The following ANO6 variants were observed in gnomAD, a reference collection of about 807,000 sequenced individuals.
The protein encoded by ANO6 is anoctamin 6.
In ANO6, 106 loss-of-function variants were observed where a neutral mutation model predicts 117.5. The observed-to-expected ratio is 0.90, with a 90% CI of 0.77 to 1.06. ANO6 has a LOEUF of 1.06. ANO6 is among the 50% of genes least tolerant of loss of function. The probability of loss-of-function intolerance (pLI) is 0.00; values close to 1 mark genes in which losing one functional copy is unlikely to be tolerated. For synonymous variants in ANO6, 367 were observed against 385.1 expected (o/e 0.95, Z 0.55); for missense variants, 955 against 1,121.1 (o/e 0.85, Z 2.12).
intron 1 of ANO6, among the ~76,000 whole-genome samples, chr12:45,260,599 T>C (rs892466051): frequency 1.3e-5 from 2 of 152,142 alleles, no homozygotes; most frequent in African/African-American, 4.8e-5. Context: ...TTTTCAGAGC[T>C]CTCTGGGATG....
At chr12:45,260,145 G>A (rs1294435581) in intron 1 of ANO6, among the ~76,000 whole-genome samples, 1 of 152,182 alleles carries the variant, frequency 6.6e-6, no homozygotes, top group Non-Finnish European at 1.5e-5. Context: ...CTTAGCGCTG[G>A]GCTCAGTACA....
Position 45,439,740 on chromosome 12 carries a change from C to T in ANO6, c.2592C>T (p.Leu864=), listed in dbSNP as rs750161267. 14 of 1,547,506 alleles carry T rather than the reference C, an allele frequency of 9.0e-6. No individual in the cohort carries two copies. The South Asian group carries it at 1.5e-4, about 16-fold the overall frequency. Residue 864 remains leucine (L), a synonymous_variant, in exon 20 of 20, where the codon CTC becomes CTT. Coordinates refer to the ANO6 transcript ENST00000425752. ...TCTTGGCTCACTGCAACCTCCGCCT[C>T]CCAGTTGACTGCTGTATGTGTTATA...
chr12:45,408,531 A>T (rs1943003016), intron 15 of ANO6, among the ~76,000 whole-genome samples: 1 of 152,216 alleles, frequency 6.6e-6, no homozygotes, highest in Non-Finnish European at 1.5e-5. Flanking sequence ...GGGTGGACAG[A>T]GCGCTGGGAC....
At chr12:45,380,703 G>C (rs1467868689) in intron 10 of ANO6, among the ~76,000 whole-genome samples, 4 of 152,206 alleles carry the variant, frequency 2.6e-5, no homozygotes, top group Non-Finnish European at 4.4e-5. Flanking sequence ...GCTGGGTGTG[G>C]TGGCTCACGC....
At chr12:45,216,898 A>G (rs1262369082) in intron 1 of ANO6, among the ~76,000 whole-genome samples, 1 of 151,912 alleles carries the variant, frequency 6.6e-6, no homozygotes, top group Non-Finnish European at 1.5e-5. Flanking sequence ...CGGCCCCGGG[A>G]AGTGATTTGT....
chr12:45,439,981 A>T (rs755796396), exon 20 of ANO6: 9 of 1,446,256 alleles, frequency 6.2e-6, no homozygotes, highest in African/African-American at 1.4e-5. Flanking sequence ...TGTGTCTATT[A>T]TGTGGCCAGC....
chr12:45,274,746 C>T (rs1592904477), intron 1 of ANO6, among the ~76,000 whole-genome samples: 1 of 151,050 alleles, frequency 6.6e-6, no homozygotes, highest in East Asian at 1.9e-4. Context: ...CTTAACTGTG[C>T]TCTAGCCACA....
At chr12:45,292,557 A>G (rs553046165) in intron 1 of ANO6, 22 of 746,980 alleles carry the variant, frequency 2.9e-5, no homozygotes, top group South Asian at 1.1e-4. Flanking sequence ...TGCAGTGTAC[A>G]TTGAGTTTTT....
chr12:45,345,316 T>G (rs1941099588), intron 3 of ANO6, among the ~76,000 whole-genome samples: 2 of 152,250 alleles, frequency 1.3e-5, no homozygotes, highest in Admixed American at 6.5e-5. Context: ...TTGGTCTTTT[T>G]CCTGCAGCTT....
At chr12:45,427,830 T>G (rs1216087306) in intron 19 of ANO6, among the ~76,000 whole-genome samples, 1 of 147,732 alleles carries the variant, frequency 6.8e-6, no homozygotes, top group Non-Finnish European at 1.5e-5. Flanking sequence ...ATCCAGCTAC[T>G]CAGGTGGCTG....
At chr12:45,219,951 G>A (rs940645274) in intron 1 of ANO6, among the ~76,000 whole-genome samples, 1 of 152,100 alleles carries the variant, frequency 6.6e-6, no homozygotes, top group African/African-American at 2.4e-5. Flanking sequence ...CAAGCCCCTG[G>A]GAGTTAGGTT....
intron 9 of ANO6, among the ~76,000 whole-genome samples, chr12:45,371,033 C>G (rs1941815390): frequency 6.6e-6 from 1 of 152,214 alleles, no homozygotes; most frequent in African/African-American, 2.4e-5. Flanking sequence ...CAGGGTGAGG[C>G]ATTGCCTCAC....
intron 11 of ANO6, among the ~76,000 whole-genome samples, chr12:45,389,304 C>T (rs907128092): frequency 6.6e-6 from 1 of 152,148 alleles, no homozygotes; most frequent in African/African-American, 2.4e-5. Flanking sequence ...TGAATAGTTC[C>T]TGCTGTTTAC....
intron 17 of ANO6, 45 bp from the exon 18 acceptor site, chr12:45,421,025 CA>C (rs754906422): frequency 1.2e-6 from 2 of 1,604,578 alleles, no homozygotes; most frequent in African/African-American, 2.7e-5. Flanking sequence ...GTCTCAAAAA[CA>C]AAAAACTATA....
intron 2 of ANO6, among the ~76,000 whole-genome samples, chr12:45,305,932 G>A (rs1372572610): frequency 6.6e-6 from 1 of 152,070 alleles, no homozygotes; most frequent in Non-Finnish European, 1.5e-5. Context: ...TGGAGGTGCA[G>A]GGGGAGCAGT....
intron 1 of ANO6, among the ~76,000 whole-genome samples, chr12:45,286,088 T>C (rs1938905328): frequency 6.6e-6 from 1 of 152,228 alleles, no homozygotes; most frequent in African/African-American, 2.4e-5. Flanking sequence ...AAAAGGCTTC[T>C]ACTGATAGAG....
intron 1 of ANO6, among the ~76,000 whole-genome samples, chr12:45,284,486 A>G (rs1418896544): frequency 6.6e-6 from 1 of 152,180 alleles, no homozygotes; most frequent in African/African-American, 2.4e-5. Context: ...AAGGTCAGAG[A>G]AAAACTTTTG....
intron 1 of ANO6, among the ~76,000 whole-genome samples, chr12:45,273,322 T>C (rs1938448596): frequency 6.6e-6 from 1 of 152,186 alleles, no homozygotes; most frequent in African/African-American, 2.4e-5. Flanking sequence ...TCTTTGTCAA[T>C]TAAATATTTT....
At chr12:45,284,972 A>C (rs1938861542) in intron 1 of ANO6, among the ~76,000 whole-genome samples, 1 of 152,238 alleles carries the variant, frequency 6.6e-6, no homozygotes, top group African/African-American at 2.4e-5. Context: ...TAACATGTTA[A>C]GTGCATATTT....
Sources: gnomAD v4.1 joint callset for allele counts (sites outside exome capture counted in the v4.1 genomes callset) on GRCh38, gnomAD v4.1.1 for gene constraint, MANE v1.5 for transcripts, NCBI Gene and HGNC (gene_info 2026-07-23, HGNC 2026-07-21) for gene names.